ZNF540: variants seen among roughly 807,000 people sequenced by gnomAD.
ZNF540 encodes the protein CTD-3064H18.6.
In ZNF540, 3 loss-of-function variants were observed where a neutral mutation model predicts 11.8. The observed-to-expected ratio is 0.25, with a 90% CI of 0.12 to 0.65. The LOEUF (loss-of-function observed/expected upper bound fraction) is 0.65, where lower values mean the gene tolerates loss of function less well. Among genes scored for constraint, ZNF540 ranks in the 30% least tolerant of loss-of-function variants. The pLI, the probability that ZNF540 is intolerant of heterozygous loss-of-function variation, is 0.83. For missense variants in ZNF540, 709 were observed against 793.1 expected, an observed-to-expected ratio of 0.89 and a Z score of 1.27; for synonymous variants, 247 against 259.0, an observed-to-expected ratio of 0.95 and a Z score of 0.45.
chr19:37,563,473 A>G (rs1431532275), intron 1 of ZNF540: 3 of 152,170 alleles, frequency 2.0e-5, no homozygotes, highest in African/African-American at 4.8e-5. Flanking sequence ...AATTTTGTTT[A>G]TATTTCCATT....
chr19:37,556,405 C>A (rs1265001351), intron 1 of ZNF540, among the ~76,000 whole-genome samples: 1 of 152,220 alleles, frequency 6.6e-6, no homozygotes, highest in African/African-American at 2.4e-5. Flanking sequence ...ACCCATGTTT[C>A]TAGTTGGGCT....
intron 1 of ZNF540, among the ~76,000 whole-genome samples, chr19:37,568,962 CT>C (rs879782657): frequency 1.1e-3 from 167 of 145,268 alleles, no homozygotes; most frequent in Non-Finnish European, 1.2e-3. Flanking sequence ...CCCAAGGCAT[CT>C]TTTTTTTTTT....
intron 1 of ZNF540, chr19:37,566,316 T>A: frequency 6.4e-7 from 1 of 1,565,586 alleles, no homozygotes; most frequent in Non-Finnish European, 8.6e-7. Flanking sequence ...GAAAGCAAAT[T>A]CCTGCTTTTG....
intron 4 of ZNF540, among the ~76,000 whole-genome samples, chr19:37,609,478 G>A (rs1181728220): frequency 6.6e-6 from 1 of 152,092 alleles, no homozygotes; most frequent in Non-Finnish European, 1.5e-5. Flanking sequence ...CTGGGAGGCA[G>A]CGGTTGCAGT....
intron 4 of ZNF540, among the ~76,000 whole-genome samples, chr19:37,605,715 C>G (rs1490427291): frequency 6.6e-6 from 1 of 152,178 alleles, no homozygotes; most frequent in African/African-American, 2.4e-5. Context: ...TGTCCAATAG[C>G]TCCACATTGT....
intron 1 of ZNF540, chr19:37,586,891 G>A: frequency 1.7e-6 from 1 of 596,022 alleles, no homozygotes; most frequent in Non-Finnish European, 3.0e-6. Context: ...AGCTACTGCA[G>A]AAGGGGTTCA....
At chr19:37,586,782 C>T (rs928825302) in intron 1 of ZNF540, 3 of 1,219,014 alleles carry the variant, frequency 2.5e-6, no homozygotes, top group African/African-American at 3.1e-5. Flanking sequence ...TTAGACTTGG[C>T]TCACAGCCCA....
At chr19:37,551,933 G>A (rs971054767) in intron 1 of ZNF540, among the ~76,000 whole-genome samples, 12 of 152,030 alleles carry the variant, frequency 7.9e-5, no homozygotes, top group Admixed American at 7.9e-4. Context: ...GTGGTCCCAA[G>A]TGTGCTTTTC....
rs756299039 is a variant in ZNF540, at chr19:37,599,745, C to G, written c.129C>G (p.Val43=). The G allele has an allele frequency of 1.3e-5, 21 of 1,608,334 alleles. No homozygotes were observed. Among genetic ancestry groups the G allele is most frequent in the Admixed American group, 1.7e-5 (1 of 59,534 alleles). The change falls in exon 3 of 5, where the codon GTC becomes GTG. Residue 43 remains valine (V), a synonymous_variant. Coordinates refer to ENST00000316433, the MANE Select transcript of ZNF540 (RefSeq NM_001172225.3). ...DVMLENYNNL[V]SLGYSGSKPD... ...TGTTGGAGAATTATAATAACTTGGT[C>G]TCACTGGGTAAGGTCACCTATGTCA...
chr19:37,598,787 C>T (rs2044015690), intron 2 of ZNF540, among the ~76,000 whole-genome samples: 1 of 129,418 alleles, frequency 7.7e-6, no homozygotes, highest in Non-Finnish European at 1.6e-5. Context: ...TGCAGTTTTC[C>T]ACAGATCCTG....
chr19:37,589,554 TGAAAC>T lies in ZNF540; in HGVS notation c.-72-8817_-72-8813del, dbSNP rs2147211153. Among the ~76,000 whole-genome samples, 2 of 152,040 alleles carry T rather than the reference TGAAAC, an allele frequency of 1.3e-5. 1 individual carries two copies. Among genetic ancestry groups the T allele is most frequent in the South Asian group, 4.2e-4 (2 of 4,816 alleles). Reference sequence around the variant, plus strand: ...CATTTAAATAAAGAGAAATTCAAATTGAAACGAAATTGAGAAGACTTCTGAATCCA... The same window carrying T: ...CATTTAAATAAAGAGAAATTCAAATTGAAATTGAGAAGACTTCTGAATCCA... On this transcript the variant is annotated intron_variant, in intron 1 of 4. Transcript: ENST00000592533.
intron 1 of ZNF540, chr19:37,575,797 T>A (rs969788669): frequency 6.6e-6 from 1 of 152,148 alleles, no homozygotes; most frequent in African/African-American, 2.4e-5. Flanking sequence ...CTTGATGCAA[T>A]AAAGCAAACT....
chr19:37,565,441 A>G, intron 1 of ZNF540: 1 of 1,613,276 alleles, frequency 6.2e-7, no homozygotes, highest in Non-Finnish European at 8.5e-7. Flanking sequence ...TTTCACCAGT[A>G]TGAACTCTCT....
At chr19:37,590,047 TAATTA>T (rs907365630), upstream of ZNF540, among the ~76,000 whole-genome samples, 1 of 151,834 alleles carries the variant, frequency 6.6e-6, no homozygotes, top group African/African-American at 2.4e-5. Flanking sequence ...AGAGATGATT[TAATTA>T]AATTAAATGT....
intron 1 of ZNF540, chr19:37,565,298 T>A (rs1197006231): frequency 6.2e-7 from 1 of 1,611,250 alleles, no homozygotes; most frequent in Non-Finnish European, 8.5e-7. Context: ...GTAAGTAAGT[T>A]GTGAGCCACG....
intron 1 of ZNF540, chr19:37,585,348 T>G (rs1264055729): frequency 2.6e-5 from 4 of 152,176 alleles, no homozygotes; most frequent in African/African-American, 7.2e-5. Context: ...GATTATTCAG[T>G]AAGAACAGTC....
chr19:37,598,383 A>G lies in ZNF540; in HGVS notation c.-65A>G, dbSNP rs1397403476. On this transcript the variant is annotated 5_prime_UTR_variant, in exon 2 of 5. Coordinates refer to ENST00000316433, the MANE Select transcript of ZNF540 (RefSeq NM_001172225.3). ...TTTTCTCCTCTAACTCAGGCTTCTC[A>G]GAACTTTGCTTCTCCAGCAGAATAA... The G allele has an allele frequency of 7.5e-6, 12 of 1,598,406 alleles. No individual in the cohort carries two copies. The Admixed American group carries it at 1.2e-4, about 16-fold the overall frequency.
intron 1 of ZNF540, chr19:37,564,841 A>AGGTTTTTCACCTCTGTGAATTCTC: frequency 6.2e-7 from 1 of 1,613,974 alleles, no homozygotes; most frequent in Non-Finnish European, 8.5e-7. Flanking sequence ...TACATTCATA[A>AGGTTTTTCACCTCTGTGAATTCTC]GGTTTTTCAC....
At chr19:37,552,358 G>T (rs4803228) in intron 1 of ZNF540, among the ~76,000 whole-genome samples, 129,046 of 152,188 alleles carry the variant, frequency 0.85, 55,078 homozygotes, top group African/African-American at 0.94. Context: ...AGGTGGACTA[G>T]TCTATAAGTA....
Sources: gnomAD v4.1 joint callset for allele counts (sites outside exome capture counted in the v4.1 genomes callset) on GRCh38, gnomAD v4.1.1 for gene constraint, MANE v1.5 for transcripts, NCBI Gene and HGNC (gene_info 2026-07-23, HGNC 2026-07-21) for gene names.